Variants in FRMD4A observed in about 807,000 individuals in gnomAD.
FRMD4A encodes FERM domain containing 4A.
A neutral mutation model predicts 129.1 loss-of-function variants in FRMD4A; 29 were observed. The observed-to-expected ratio is 0.22, with a 90% CI of 0.17 to 0.31. The LOEUF (loss-of-function observed/expected upper bound fraction) is 0.31. Ranked by LOEUF, FRMD4A falls within the 10% of genes least tolerant of loss-of-function variation. FRMD4A has a pLI of 1.00. For synonymous variants in FRMD4A, 634 were observed against 571.6 expected, an observed-to-expected ratio of 1.11 and a Z score of -1.56; for missense variants, 1,272 against 1,375.8, an observed-to-expected ratio of 0.92 and a Z score of 1.19.
At chr10:14,317,509 C>T (rs192846782) in intron 2 of FRMD4A, among the ~76,000 whole-genome samples, 114 of 152,280 alleles carry the variant, frequency 7.5e-4, no homozygotes, top group Admixed American at 6.1e-3. Context: ...TGTGTTGCAA[C>T]TGTTTGTTTA....
chr10:14,213,044 T>C (rs1171626897), intron 2 of FRMD4A, among the ~76,000 whole-genome samples: 1 of 152,040 alleles, frequency 6.6e-6, no homozygotes, highest in Non-Finnish European at 1.5e-5. Context: ...TGAAACCAGC[T>C]GTGGCAACGT....
In FRMD4A at chr10:13,884,184, A is replaced by ACG. The variant is rs780160804; in HGVS notation, c.46-25273_46-25272insCG. On this transcript the variant is annotated intron_variant, in intron 2 of 24. Coordinates refer to ENST00000357447, the MANE Select transcript of FRMD4A (RefSeq NM_018027.5). ...CACACACACTCACACACTCACACAC[A>ACG]CACACACACACTCACACACACACTC... Among the ~76,000 whole-genome samples the ACG allele has an allele frequency of 3.3e-4, 26 of 79,590 alleles. No individual in the cohort carries two copies. In the East Asian group the frequency reaches 6.7e-3, roughly 21 times the overall value. The allele number at this position is 79,590 out of a possible 152,430, so 52.2% of individuals were successfully genotyped here. A position where few individuals can be genotyped will look rare whatever the true frequency, so the allele number is the denominator to read the frequency against.
chr10:14,297,032 T>G (rs1846031914), intron 2 of FRMD4A, among the ~76,000 whole-genome samples: 1 of 152,134 alleles, frequency 6.6e-6, no homozygotes, highest in African/African-American at 2.4e-5. Context: ...TGAACAGAAA[T>G]AGCTCACAAG....
intron 2 of FRMD4A, among the ~76,000 whole-genome samples, chr10:14,174,867 GTGTGTGTGTGTC>G (rs760285183): frequency 0.094 from 4,023 of 42,772 alleles, 86 homozygotes; most frequent in Non-Finnish European, 0.18. Context: ...AAAAAAAAAA[GTGTGTGTGTGTC>G]TGTGTGTGTG....
chr10:14,269,564 T>C (rs1589248453), intron 2 of FRMD4A, among the ~76,000 whole-genome samples: 1 of 152,272 alleles, frequency 6.6e-6, no homozygotes, highest in African/African-American at 2.4e-5. Context: ...TACTCCATTA[T>C]CGCATCTCTT....
Position 14,236,692 on chromosome 10 carries a change from C to T in FRMD4A, c.45+93366G>A, listed in dbSNP as rs1843828487. On this transcript the variant is annotated intron_variant, in intron 2 of 24. Coordinates refer to ENST00000357447, the MANE Select transcript of FRMD4A (RefSeq NM_018027.5). ...TGGCCCTGCTCGGGTGTCATACTGC[C>T]TTATCTACTGGATGGGTGAGTGCCC... Among the ~76,000 whole-genome samples, 9 of 152,190 alleles carry T rather than the reference C, an allele frequency of 5.9e-5. No homozygotes were observed. The South Asian group carries it at 1.9e-3, about 32-fold the overall frequency.
intron 2 of FRMD4A, among the ~76,000 whole-genome samples, chr10:14,089,640 C>CAAAAAAAAAAAAA (rs759243260): frequency 1.1e-4 from 8 of 70,268 alleles, no homozygotes; most frequent in South Asian, 4.3e-4. Context: ...CAAAAAAAAA[C>CAAAAAAAAAAAAA]AAACAAAAAA....
In FRMD4A at chr10:13,770,249, C is replaced by T. The variant is rs968856515; in HGVS notation, c.385-7569G>A. 2.6e-5 allele frequency among the ~76,000 whole-genome samples: 4 copies of T among 152,116 alleles called. No homozygotes were observed. In the South Asian group the frequency reaches 8.3e-4, roughly 32 times the overall value. ...CGCACAATTCCTCATTCTTAGTCCT[C>T]TGCCAGTTTTTCAGCATCAAGTCAC... On this transcript the variant is annotated intron_variant, in intron 6 of 24. Transcript: ENST00000357447.
intron 2 of FRMD4A, among the ~76,000 whole-genome samples, chr10:13,993,840 G>GT (rs59181140): frequency 0.15 from 22,527 of 149,226 alleles, 3,366 homozygotes; most frequent in African/African-American, 0.38. Context: ...GTCAGAATAG[G>GT]TTTTTTTTTT....
chr10:13,866,003 A>G (rs2094362891), intron 2 of FRMD4A, among the ~76,000 whole-genome samples: 1 of 151,966 alleles, frequency 6.6e-6, no homozygotes, highest in Non-Finnish European at 1.5e-5. Context: ...CCAATTGCCT[A>G]CTCGTTGACA....
intron 2 of FRMD4A, among the ~76,000 whole-genome samples, chr10:14,002,288 T>C (rs2095645470): frequency 6.6e-6 from 1 of 152,214 alleles, no homozygotes; most frequent in African/African-American, 2.4e-5. Context: ...AAGAGATCTA[T>C]GATTTGAGTC....
At chr10:14,100,610 G>A (rs542102695) in intron 2 of FRMD4A, among the ~76,000 whole-genome samples, 1 of 152,088 alleles carries the variant, frequency 6.6e-6, no homozygotes, top group Admixed American at 6.5e-5. Context: ...GCCGGCCTTA[G>A]GATAAGCTGC....
At chr10:14,212,451 T>C (rs938839172) in intron 2 of FRMD4A, among the ~76,000 whole-genome samples, 10 of 152,062 alleles carry the variant, frequency 6.6e-5, no homozygotes, top group Non-Finnish European at 1.2e-4. Flanking sequence ...AGGGATCTCA[T>C]TTCCCCCTTA....
At chr10:14,094,396 T>G (rs1469866350) in intron 2 of FRMD4A, among the ~76,000 whole-genome samples, 1 of 152,108 alleles carries the variant, frequency 6.6e-6, no homozygotes, top group East Asian at 1.9e-4. Flanking sequence ...CAAGTGGTAA[T>G]TAGAATGGAA....
chr10:13,882,050 T>C (rs1418131124), intron 2 of FRMD4A, among the ~76,000 whole-genome samples: 2 of 135,048 alleles, frequency 1.5e-5, no homozygotes, highest in African/African-American at 5.6e-5. Flanking sequence ...ATGGTTAACA[T>C]AAGAAAAGAA....
chr10:14,302,176 C>T (rs1335887133), intron 2 of FRMD4A, among the ~76,000 whole-genome samples: 1 of 152,174 alleles, frequency 6.6e-6, no homozygotes, highest in Admixed American at 6.5e-5. Flanking sequence ...CAGTTTCCCT[C>T]CAGGGTTCCT....
intron 12 of FRMD4A, among the ~76,000 whole-genome samples, chr10:13,708,613 C>G (rs1224702142): frequency 6.6e-6 from 1 of 152,212 alleles, no homozygotes; most frequent in Admixed American, 6.5e-5. Context: ...GGTGGAGAGA[C>G]ACTGCAAGGA....
Position 13,894,571 on chromosome 10 carries a change from G to A in FRMD4A, c.46-35659C>T, listed in dbSNP as rs1188750475. On this transcript the variant is annotated intron_variant, in intron 2 of 24. Coordinates refer to ENST00000357447, the MANE Select transcript of FRMD4A (RefSeq NM_018027.5). ...ACTGCTCTGCTTAAAGACTGCGGGT[G>A]GCTTCTCACTGCTCCTGCCACATCC... Among the ~76,000 whole-genome samples, 6 of 152,252 alleles carry A rather than the reference G, an allele frequency of 3.9e-5. No homozygotes were observed. The East Asian group carries it at 1.2e-3, about 29-fold the overall frequency.
intron 2 of FRMD4A, among the ~76,000 whole-genome samples, chr10:14,193,445 CACAT>C (rs1216100190): frequency 4.8e-4 from 71 of 148,098 alleles, no homozygotes; most frequent in African/African-American, 1.6e-3. Context: ...GGTGTTTTAC[CACAT>C]ACATACATAC....
Sources: gnomAD v4.1 joint callset for allele counts (sites outside exome capture counted in the v4.1 genomes callset) on GRCh38, gnomAD v4.1.1 for gene constraint, MANE v1.5 for transcripts, NCBI Gene and HGNC (gene_info 2026-07-23, HGNC 2026-07-21) for gene names.